Variants in SND1 observed in about 807,000 individuals in gnomAD.
The protein encoded by SND1 is staphylococcal nuclease domain-containing protein 1.
Under a neutral mutation model 121.7 loss-of-function variants are expected in SND1, and 38 were observed. The observed-to-expected ratio is 0.31, with a 90% CI of 0.24 to 0.41. The LOEUF is 0.41. SND1 is among the 10% of genes least tolerant of loss of function. The pLI is 1.00. For missense variants in SND1, 868 were observed against 1,184.6 expected, an observed-to-expected ratio of 0.73 and a Z score of 3.92; for synonymous variants, 401 against 447.4, an observed-to-expected ratio of 0.90 and a Z score of 1.31.
chr7:127,857,062 A>T (rs1367796674), intron 12 of SND1, among the ~76,000 whole-genome samples: 1 of 152,104 alleles, frequency 6.6e-6, no homozygotes, highest in Non-Finnish European at 1.5e-5. Flanking sequence ...CTTTCCAAAG[A>T]GAAGGAGAGA....
intron 1 of SND1, among the ~76,000 whole-genome samples, chr7:127,675,030 A>G (rs923800642): frequency 6.6e-6 from 1 of 152,106 alleles, no homozygotes; most frequent in Admixed American, 6.5e-5. Context: ...GTGAAATCCC[A>G]TTTCTATTAA....
At chr7:127,920,449 G>A (rs1384469911) in intron 14 of SND1, among the ~76,000 whole-genome samples, 1 of 152,078 alleles carries the variant, frequency 6.6e-6, no homozygotes, top group African/African-American at 2.4e-5. Flanking sequence ...TCTAACTGGA[G>A]GGCTATCATT....
At chr7:127,843,255 A>G (rs998920960) in intron 11 of SND1, among the ~76,000 whole-genome samples, 3 of 152,164 alleles carry the variant, frequency 2.0e-5, no homozygotes, top group African/African-American at 4.8e-5. Flanking sequence ...ATTATCACAC[A>G]AAGTCCATAG....
At chr7:127,688,632 G>A (rs572865801) in intron 2 of SND1, among the ~76,000 whole-genome samples, 1 of 151,974 alleles carries the variant, frequency 6.6e-6, no homozygotes, top group South Asian at 2.1e-4. Context: ...AGAGGTGGAA[G>A]GATCACTTGA....
intron 10 of SND1, among the ~76,000 whole-genome samples, chr7:127,746,321 C>G (rs1040729096): frequency 3.3e-5 from 5 of 152,214 alleles, no homozygotes; most frequent in African/African-American, 7.2e-5. Context: ...GGTCTTAATT[C>G]TCTTACAGAA....
intron 3 of SND1, among the ~76,000 whole-genome samples, chr7:127,697,228 G>T (rs1427553407): frequency 2.0e-5 from 3 of 152,192 alleles, no homozygotes; most frequent in African/African-American, 7.2e-5. Context: ...TAAGGAGCAA[G>T]AATAAGATCC....
At chr7:127,913,527 A>G (rs1800504501) in intron 14 of SND1, among the ~76,000 whole-genome samples, 3 of 152,316 alleles carry the variant, frequency 2.0e-5, no homozygotes, top group East Asian at 1.9e-4. Flanking sequence ...TAGCTGGTCC[A>G]TGCTCTTCGG....
chr7:128,076,711 T>C (rs1270421576), intron 17 of SND1, among the ~76,000 whole-genome samples: 1 of 152,180 alleles, frequency 6.6e-6, no homozygotes, highest in Non-Finnish European at 1.5e-5. Context: ...GATGCAGGAA[T>C]GTTTGTGCCT....
At chr7:127,827,856 T>C (rs1798671526) in intron 11 of SND1, among the ~76,000 whole-genome samples, 2 of 152,168 alleles carry the variant, frequency 1.3e-5, no homozygotes, top group African/African-American at 4.8e-5. Context: ...TGCACCTATT[T>C]TTAATATTTC....
At chr7:128,087,814 C>T (rs1353284640) in intron 21 of SND1, among the ~76,000 whole-genome samples, 1 of 151,978 alleles carries the variant, frequency 6.6e-6, no homozygotes, top group East Asian at 1.9e-4. Flanking sequence ...GAACAGGAGC[C>T]CAGAGGCAGC....
At chr7:127,703,902 A>G (rs1796146903) in intron 7 of SND1, among the ~76,000 whole-genome samples, 1 of 152,216 alleles carries the variant, frequency 6.6e-6, no homozygotes, top group African/African-American at 2.4e-5. Flanking sequence ...AGGGGTTGCT[A>G]CATTCATTAG....
intron 16 of SND1, among the ~76,000 whole-genome samples, chr7:128,058,129 T>C (rs1243205082): frequency 6.6e-6 from 1 of 152,216 alleles, no homozygotes; most frequent in African/African-American, 2.4e-5. Context: ...ACCTGACCCC[T>C]TGCCAGTGCT....
At chr7:127,952,772 C>G (rs1801490949) in intron 15 of SND1, among the ~76,000 whole-genome samples, 1 of 152,190 alleles carries the variant, frequency 6.6e-6, no homozygotes, top group South Asian at 2.1e-4. Context: ...AACATTTTTA[C>G]TTAATGTAGA....
chr7:127,682,901 C>A (rs941002293), intron 1 of SND1, among the ~76,000 whole-genome samples: 18 of 152,134 alleles, frequency 1.2e-4, no homozygotes, highest in African/African-American at 3.9e-4. Flanking sequence ...AAAATTATAA[C>A]AATAATCAAC....
intron 16 of SND1, among the ~76,000 whole-genome samples, chr7:128,049,957 G>A (rs1207636877): frequency 6.6e-6 from 1 of 152,126 alleles, no homozygotes; most frequent in East Asian, 1.9e-4. Flanking sequence ...CAAAGGAAAG[G>A]GTTCTCAGAG....
chr7:128,028,381 A>G (rs555511715), intron 16 of SND1: 41 of 284,398 alleles, frequency 1.4e-4, no homozygotes, highest in Non-Finnish European at 2.6e-4. Context: ...ATTTTATCTC[A>G]GCAATTTCAA....
At chr7:127,968,869 C>T (rs1801914168) in intron 15 of SND1, among the ~76,000 whole-genome samples, 1 of 152,184 alleles carries the variant, frequency 6.6e-6, no homozygotes, top group African/African-American at 2.4e-5. Context: ...TTTTTGCCCC[C>T]AACTCCCCAA....
At chr7:127,733,573 A>G (rs140295575) in intron 10 of SND1, among the ~76,000 whole-genome samples, 10 of 152,326 alleles carry the variant, frequency 6.6e-5, no homozygotes, top group Non-Finnish European at 1.3e-4. Context: ...AAAGTTTTAC[A>G]AGGGCAAATC....
chr7:127,739,014 T>A (rs1284328601), intron 10 of SND1, among the ~76,000 whole-genome samples: 1 of 152,188 alleles, frequency 6.6e-6, no homozygotes, highest in Non-Finnish European at 1.5e-5. Flanking sequence ...GATATTTTAA[T>A]TTGTGCACAG....
Sources: allele counts gnomAD v4.1 joint callset (sites outside exome capture counted in the v4.1 genomes callset), GRCh38; gene constraint gnomAD v4.1.1; transcripts MANE v1.5; gene names NCBI Gene and HGNC (gene_info 2026-07-23, HGNC 2026-07-21).